The following BCAS3 variants were observed in gnomAD, a reference collection of about 807,000 sequenced individuals.
The protein encoded by BCAS3 is BCAS3 microtubule associated cell migration factor.
BCAS3 carries 53 observed loss-of-function variants against 116.1 expected under a neutral mutation model. The observed-to-expected ratio is 0.46, with a 90% CI of 0.37 to 0.57. BCAS3 has a LOEUF of 0.57. BCAS3 is among the 20% of genes least tolerant of loss of function. The probability of loss-of-function intolerance (pLI) is 0.00; values close to 1 mark genes in which losing one functional copy is unlikely to be tolerated. For missense variants in BCAS3, 917 were observed against 1,165.4 expected (o/e 0.79, Z 3.10); for synonymous variants, 391 against 408.2 (o/e 0.96, Z 0.51).
At position 61,077,494 on chromosome 17, in the gene BCAS3, G is replaced by A. The variant is rs1015369652; in HGVS notation, c.2131-839G>A. Among the ~76,000 whole-genome samples the A allele has an allele frequency of 2.0e-5, 3 of 152,040 alleles. No homozygotes were observed. The highest frequency in any genetic ancestry group is 6.5e-5 in the Admixed American group (1 of 15,268). The stretch of plus-strand genomic sequence containing the variant: ...ATCACGCCACTGCACTCCAGTCTGG[G>A]CAACAGAGCGAGACTCCGTCTCAAA... On this transcript the variant is annotated intron_variant, in intron 20 of 23. Transcript: ENST00000407086. The surrounding 1 kb of genome is among the most constrained non-coding windows in gnomAD (Gnocchi z 4.3).
rs1381677762 is a variant in BCAS3 at position 60,964,716 on chromosome 17, G to A, written c.1221+17364G>A. ...GGCTTTTTATTACAGCTTCAGTTTT[G>A]TTACTTGTTATTGGTTTGTTGAGGT... is the stretch of plus-strand genomic sequence containing the variant. On this transcript the variant is annotated intron_variant, in intron 14 of 23. Coordinates refer to ENST00000407086, the MANE Select transcript of BCAS3 (RefSeq NM_017679.5). This position sits in a 1 kb window ranked among gnomAD's most constrained non-coding sequence, Gnocchi z 4.6. Among the ~76,000 whole-genome samples, 1 of 151,974 alleles carries A rather than the reference G, an allele frequency of 6.6e-6. No homozygotes were observed. The highest frequency in any genetic ancestry group is 1.5e-5 in the Non-Finnish European group (1 of 67,956).
At chr17:60,695,148 TCTCG>T (rs2035419855) in intron 4 of BCAS3, among the ~76,000 whole-genome samples, 1 of 143,446 alleles carries the variant, frequency 7.0e-6, no homozygotes, top group South Asian at 2.2e-4. Context: ...TGAGATGGAG[TCTCG>T]CTCTGTCACC....
chr17:60,981,053 C>G (rs1382481084), intron 14 of BCAS3, among the ~76,000 whole-genome samples: 3 of 151,946 alleles, frequency 2.0e-5, no homozygotes, highest in Non-Finnish European at 4.4e-5. Flanking sequence ...ACAGGCTGGC[C>G]TTGAACTCCT....
intron 4 of BCAS3, among the ~76,000 whole-genome samples, chr17:60,692,875 A>G (rs1222947645): frequency 8.2e-6 from 1 of 121,232 alleles, no homozygotes; most frequent in Non-Finnish European, 1.9e-5. Flanking sequence ...AGCCTGGGCG[A>G]CAGAGAGATA....
rs192793880 is a variant in BCAS3, at chr17:60,747,308, T to C, written c.403+29T>C. ...AGTGTAGTCCTTAAGAAAAGAATCT[T>C]TCAGAAAAGAGTTTCTCTTTTGTTG... On this transcript the variant is annotated intron_variant, in intron 6 of 23. Coordinates refer to ENST00000407086, the MANE Select transcript of BCAS3 (RefSeq NM_017679.5). 222 of 1,547,724 alleles carry C rather than the reference T, an allele frequency of 1.4e-4. No individual in the cohort carries two copies. The African/African-American group carries it at 2.8e-3, about 19-fold the overall frequency.
chr17:61,371,323 G>T (rs943626562), intron 23 of BCAS3, among the ~76,000 whole-genome samples: 1 of 146,590 alleles, frequency 6.8e-6, no homozygotes, highest in South Asian at 2.1e-4. Flanking sequence ...TTCTGGAGAT[G>T]TAACAGTCTG....
intron 14 of BCAS3, among the ~76,000 whole-genome samples, chr17:60,987,383 A>C (rs1008170724): frequency 6.7e-6 from 1 of 150,198 alleles, no homozygotes; most frequent in Non-Finnish European, 1.5e-5. Flanking sequence ...AAAGAATGTC[A>C]TAGGTATTTT....
rs530862885 is a variant in BCAS3 at position 61,368,457 on chromosome 17, C to G, written c.2556C>G (p.Ala852=). 1.2e-6 allele frequency: 2 copies of G among 1,611,480 alleles called. No individual in the cohort carries two copies. The highest frequency in any genetic ancestry group is 1.7e-6 in the Non-Finnish European group (2 of 1,177,836). ...GGGAGCGACTTGCCGACGCCATGGC[C>G]GAGTCACCTAGCCGGGACGTCGTGG... ...GLRERLADAM[A]ESPSRDVVGS... is the part of the protein sequence containing the mutation. Residue 852 remains alanine, a synonymous_variant, in exon 23 of 24, where the codon GCC becomes GCG. Coordinates refer to ENST00000407086, the MANE Select transcript of BCAS3 (RefSeq NM_017679.5). This position sits in a 1 kb window ranked among gnomAD's most constrained non-coding sequence, Gnocchi z 6.0.
At chr17:60,807,154 G>A (rs2048352303) in intron 6 of BCAS3, among the ~76,000 whole-genome samples, 1 of 152,022 alleles carries the variant, frequency 6.6e-6, no homozygotes, top group South Asian at 2.1e-4. Flanking sequence ...TGCATCTGCT[G>A]AAATATTAAT....
At chr17:61,079,697 G>T (rs1231830933) in intron 21 of BCAS3, among the ~76,000 whole-genome samples, 1 of 151,936 alleles carries the variant, frequency 6.6e-6, no homozygotes, top group Admixed American at 6.6e-5. Context: ...CTGGGTTCAA[G>T]CAGTTCTCCT....
intron 22 of BCAS3, among the ~76,000 whole-genome samples, chr17:61,262,275 T>C (rs989353384): frequency 6.6e-6 from 1 of 151,452 alleles, no homozygotes; most frequent in African/African-American, 2.4e-5. Flanking sequence ...CTAGGAATAA[T>C]CCTTAGAAAA....
chr17:60,747,522 C>T (rs753494609), intron 6 of BCAS3, among the ~76,000 whole-genome samples: 1 of 152,194 alleles, frequency 6.6e-6, no homozygotes, highest in Non-Finnish European at 1.5e-5. Flanking sequence ...CCTCTTTGAT[C>T]TCGATTTAGC....
rs55736464 is a variant in BCAS3 at position 61,070,366 on chromosome 17, AATATATATATAT to A, written c.2030-4531_2030-4520del. ...AACTGAGTCCAGCTGCCTAATTCTG[AATATATATATAT>A]ATATATATATATATATATATATCTT... On this transcript the variant is annotated intron_variant, in intron 19 of 23. Coordinates refer to ENST00000407086, the MANE Select transcript of BCAS3 (RefSeq NM_017679.5). 2.9e-3 allele frequency: 900 copies of A among 314,028 alleles called. 28 individuals are homozygous for A. Among genetic ancestry groups the A allele is most frequent in the African/African-American group, 5.9e-3 (209 of 35,170 alleles). 19.5% of individuals were successfully genotyped at this position (314,028 alleles called of 1,614,324 possible). A position where few individuals can be genotyped will look rare whatever the true frequency, so the allele number is the denominator to read the frequency against.
At chr17:61,321,149 A>G (rs965566289) in intron 22 of BCAS3, among the ~76,000 whole-genome samples, 4 of 152,246 alleles carry the variant, frequency 2.6e-5, no homozygotes, top group Admixed American at 2.6e-4. Context: ...GAGATTTACA[A>G]ACATAACTAA....
chr17:60,840,312 A>T (rs1359879231), intron 7 of BCAS3, among the ~76,000 whole-genome samples: 1 of 152,192 alleles, frequency 6.6e-6, no homozygotes, highest in Non-Finnish European at 1.5e-5. Context: ...GAGGTATTTA[A>T]ATTTTAAAGA....
chr17:60,973,923 T>G (rs2062134611), intron 14 of BCAS3, among the ~76,000 whole-genome samples: 1 of 152,116 alleles, frequency 6.6e-6, no homozygotes, highest in Admixed American at 6.6e-5. Flanking sequence ...TTCTAAGGTT[T>G]GATATGGGGT....
intron 5 of BCAS3, among the ~76,000 whole-genome samples, chr17:60,745,978 A>C (rs2041983447): frequency 6.6e-6 from 1 of 152,134 alleles, no homozygotes; most frequent in Admixed American, 6.6e-5. Flanking sequence ...ATTTATAGTA[A>C]TATTGTAAGA....
intron 16 of BCAS3, among the ~76,000 whole-genome samples, chr17:61,018,773 T>C (rs1295285563): frequency 1.3e-5 from 2 of 152,204 alleles, no homozygotes; most frequent in Non-Finnish European, 2.9e-5. Flanking sequence ...ATGTGTAATT[T>C]CTAAAGGCAC....
At chr17:60,882,408 G>A (rs2056251874) in intron 9 of BCAS3, among the ~76,000 whole-genome samples, 2 of 148,870 alleles carry the variant, frequency 1.3e-5, no homozygotes, top group South Asian at 2.1e-4. Context: ...TCACTCTGAC[G>A]GTAGTTTCTT....
Sources: allele counts gnomAD v4.1 joint callset (sites outside exome capture counted in the v4.1 genomes callset), GRCh38; gene constraint gnomAD v4.1.1; non-coding constraint Gnocchi (gnomAD v3.1); transcripts MANE v1.5; gene names NCBI Gene and HGNC (gene_info 2026-07-23, HGNC 2026-07-21).